Variants in AP5Z1 observed in about 807,000 individuals in gnomAD.
AP5Z1 encodes the protein AP-5 complex subunit zeta-1.
In AP5Z1, 106 loss-of-function variants were observed where a neutral mutation model predicts 83.0. The observed-to-expected ratio is 1.28, with a 90% CI of 1.09 to 1.50. The LOEUF (loss-of-function observed/expected upper bound fraction) is 1.50. Ranked by LOEUF, AP5Z1 falls within the 40% of genes most tolerant of loss-of-function variation. AP5Z1 has a pLI of 0.00. For synonymous variants in AP5Z1, 751 were observed against 514.1 expected (o/e 1.46, Z -6.23); for missense variants, 1,565 against 1,094.2 (o/e 1.43, Z -6.07).
chr7:4,776,615 A>G (rs1317129810), intron 1 of AP5Z1, among the ~76,000 whole-genome samples: 1 of 151,628 alleles, frequency 6.6e-6, no homozygotes, highest in Non-Finnish European at 1.5e-5. Context: ...GGTGACTGTA[A>G]TCCCAGCTAC....
In AP5Z1 at chr7:4,785,020, C is replaced by G. The variant is rs767005823; in HGVS notation, c.903C>G (p.Cys301Trp). The G allele has an allele frequency of 6.2e-7, 1 of 1,608,220 alleles. No homozygotes were observed. The highest frequency in any genetic ancestry group is 1.7e-5 in the Admixed American group (1 of 59,762). The change falls in exon 7 of 17, where the codon TGC becomes TGG. Residue 301 changes from cysteine to tryptophan, a missense_variant. Coordinates refer to ENST00000649063, the MANE Select transcript of AP5Z1 (RefSeq NM_014855.3). ...ERLREVAFEY[C>W]QRLIEQSNRR... The stretch of plus-strand genomic sequence containing the variant: ...TTCGGGAGGTGGCCTTCGAGTACTG[C>G]CAGCGCCTCATTGAGCAAAGTAACC...
At chr7:4,779,482 ATT>A (rs146506607) in intron 1 of AP5Z1, among the ~76,000 whole-genome samples, 14 of 146,084 alleles carry the variant, frequency 9.6e-5, no homozygotes, top group African/African-American at 2.0e-4. Context: ...ATATATATAT[ATT>A]TTTTTTTGAA....
At chr7:4,789,239 C>A (rs371497642) in intron 13 of AP5Z1, among the ~76,000 whole-genome samples, 1 of 151,608 alleles carries the variant, frequency 6.6e-6, no homozygotes, top group East Asian at 1.9e-4. Context: ...TTCATCCCGG[C>A]AGGTCCTGTC....
chr7:4,790,547 A>G lies in AP5Z1; in HGVS notation c.1894A>G (p.Ser632Gly). The change falls in exon 15 of 17, where the codon AGC becomes GGC. Residue 632 changes from serine to glycine, a missense_variant. By Grantham distance (56) the Ser-to-Gly change is moderately conservative. Transcript: ENST00000649063. Reference sequence around the variant, plus strand: ...AAGAGACCTGCTGGAGTTCCTGGGCAGCGTGAATGGTCTCTGCAGCAGGGC... The same window carrying G: ...AAGAGACCTGCTGGAGTTCCTGGGCGGCGTGAATGGTCTCTGCAGCAGGGC... ...LARDLLEFLG[S>G]VNGLCSRASL... 1 of 1,613,138 alleles carries G rather than the reference A, an allele frequency of 6.2e-7. No individual in the cohort carries two copies. The highest frequency in any genetic ancestry group is 8.5e-7 in the Non-Finnish European group (1 of 1,179,856).
At position 4,784,357 on chromosome 7, in the gene AP5Z1, G is replaced by T. The variant is rs889288295; in HGVS notation, c.776G>T (p.Gly259Val). 5 of 1,582,976 alleles carry T rather than the reference G, an allele frequency of 3.2e-6. No individual in the cohort carries two copies. Among genetic ancestry groups the T allele is most frequent in the Non-Finnish European group, 4.3e-6 (5 of 1,167,166 alleles). Residue 259 changes from glycine (G) to valine (V), a missense_variant, in exon 6 of 17, where the codon GGC becomes GTC. Gly to Val is a moderately radical substitution (Grantham distance 109, BLOSUM62 -3). Coordinates refer to ENST00000649063, the MANE Select transcript of AP5Z1 (RefSeq NM_014855.3). Reference protein sequence around the residue: ...WLLHSGPEGPGTLDTDDRSEQ... With the variant: ...WLLHSGPEGPVTLDTDDRSEQ... ...CTGCACAGCGGCCCCGAGGGCCCGGGCACCCTGGACACAGGTGTGCGGGGT... is the reference window on the plus strand; with the variant it reads ...CTGCACAGCGGCCCCGAGGGCCCGGTCACCCTGGACACAGGTGTGCGGGGT...
intron 12 of AP5Z1, chr7:4,788,561 G>A (rs953029487): frequency 7.8e-6 from 4 of 513,314 alleles, no homozygotes; most frequent in Admixed American, 3.6e-5. Context: ...TTTTGCAGAT[G>A]GACAAACCGA....
chr7:4,785,968 G>GAAAT (rs1369611423), intron 9 of AP5Z1, among the ~76,000 whole-genome samples: 4 of 152,114 alleles, frequency 2.6e-5, no homozygotes. Context: ...TTTAAATAGA[G>GAAAT]AAATAAACAG....
At position 4,788,259 on chromosome 7, in the gene AP5Z1, C is replaced by T. The variant is rs1209658197; in HGVS notation, c.1560C>T (p.Tyr520=). The stretch of plus-strand genomic sequence containing the variant: ...CGCAGTTCCAGGGTCTTTTCCAATA[C>T]CTGCTGCGCCCCAAGGCCAGTGGCG... ...RDPQFQGLFQ[Y]LLRPKASGAT... is the part of the protein sequence containing the mutation. The change falls in exon 12 of 17, where the codon TAC becomes TAT. Residue 520 remains tyrosine (Y), a synonymous_variant. Coordinates refer to ENST00000649063, the MANE Select transcript of AP5Z1 (RefSeq NM_014855.3). The T allele has an allele frequency of 1.9e-6, 3 of 1,589,856 alleles. No individual in the cohort carries two copies. The highest frequency in any genetic ancestry group is 1.1e-5 in the South Asian group (1 of 87,406).
chr7:4,788,728 T>G, intron 12 of AP5Z1, 112 bp from the exon 13 acceptor site: 1 of 930,842 alleles, frequency 1.1e-6, no homozygotes, highest in Non-Finnish European at 1.6e-6. Flanking sequence ...AGGCGATGAG[T>G]GAGGATGGGA....
chr7:4,791,424 C>T lies in AP5Z1; in HGVS notation c.*39C>T, dbSNP rs777362842. The T allele has an allele frequency of 6.4e-6, 10 of 1,560,014 alleles. No homozygotes were observed. The highest frequency in any genetic ancestry group is 5.9e-5 in the South Asian group (5 of 84,586). Reference sequence around the variant, plus strand: ...AGGGACTTCGGTGCAGATTAAGAGCCTGGGCAGCCAGCTTGCTACTGAGGC... The same window carrying T: ...AGGGACTTCGGTGCAGATTAAGAGCTTGGGCAGCCAGCTTGCTACTGAGGC... On this transcript the variant is annotated 3_prime_UTR_variant, in exon 17 of 17. Transcript: ENST00000649063.
rs746185900 is a variant in AP5Z1, at chr7:4,781,693, C to T, written c.305C>T (p.Ala102Val). The T allele has an allele frequency of 1.9e-6, 3 of 1,591,340 alleles. No individual in the cohort carries two copies. Among genetic ancestry groups the T allele is most frequent in the South Asian group, 2.2e-5 (2 of 90,544 alleles). The change falls in exon 3 of 17, where the codon GCC becomes GTC. Residue 102 changes from alanine (A) to valine (V), a missense_variant. Transcript: ENST00000649063. ...TCCCCCTCTGACAGCCTCAGCCTGGCCTGGGACCACACGCAGAACAGCCGG... is the reference window on the plus strand; with the variant it reads ...TCCCCCTCTGACAGCCTCAGCCTGGTCTGGGACCACACGCAGAACAGCCGG... Reference protein sequence around the residue: ...EMSPSDSLSLAWDHTQNSRQL... With the variant: ...EMSPSDSLSLVWDHTQNSRQL...
intron 9 of AP5Z1, 58 bp downstream of exon 9, chr7:4,785,742 G>T: frequency 7.3e-7 from 1 of 1,361,146 alleles, no homozygotes; most frequent in Non-Finnish European, 9.6e-7. Context: ...TTAGTTTTAG[G>T]ATGGAATTTC....
Position 4,793,969 on chromosome 7 carries a change from C to G in AP5Z1, c.*2584C>G, listed in dbSNP as rs1227462759. The G allele has an allele frequency of 6.6e-6, 1 of 152,474 alleles. No individual in the cohort carries two copies. The highest frequency in any genetic ancestry group is 1.5e-5 in the Non-Finnish European group (1 of 68,256). The allele number at this position is 152,474 out of a possible 1,614,324, so 9.4% of individuals were successfully genotyped here. On this transcript the variant is annotated 3_prime_UTR_variant, in exon 17 of 17. Coordinates refer to ENST00000649063, the MANE Select transcript of AP5Z1 (RefSeq NM_014855.3). ...GCTGGGCTCCTGAGTCTGGTGGGGA[C>G]TTGGAGAACCTTTATGTCTAGCTAA... is the stretch of plus-strand genomic sequence containing the variant.
Position 4,783,294 on chromosome 7 carries a change from G to T in AP5Z1, c.367-22G>T, listed in dbSNP as rs189145085. On this transcript the variant is annotated intron_variant, in intron 3 of 16. Coordinates refer to ENST00000649063, the MANE Select transcript of AP5Z1 (RefSeq NM_014855.3). ...CTCTGGCACAGGCCAGTACCCCAGC[G>T]TTTGCCCTGTTTGATTTGAAGGGTG... 59 of 1,584,830 alleles carry T rather than the reference G, an allele frequency of 3.7e-5. 1 individual carries two copies. In the Admixed American group the frequency reaches 1.0e-3, roughly 28 times the overall value.
intron 3 of AP5Z1, among the ~76,000 whole-genome samples, chr7:4,782,603 TTG>T (rs1333918964): frequency 1.3e-5 from 2 of 152,040 alleles, no homozygotes; most frequent in Middle Eastern, 3.2e-3. Flanking sequence ...ACTCAGGGCG[TTG>T]TACTTCATCA....
At chr7:4,785,817 G>A in intron 9 of AP5Z1, 133 bp downstream of exon 9, 1 of 1,267,642 alleles carries the variant, frequency 7.9e-7, no homozygotes, top group Non-Finnish European at 1.0e-6. Context: ...GTGTTGCCCA[G>A]GCTGGTCTGG....
intron 5 of AP5Z1, 96 bp from the exon 6 acceptor site, chr7:4,784,107 C>A: frequency 7.1e-7 from 1 of 1,404,612 alleles, no homozygotes; most frequent in Non-Finnish European, 9.5e-7. Flanking sequence ...CATGTTCAGG[C>A]AGCTTCTCCT....
chr7:4,781,140 T>A, intron 1 of AP5Z1, 35 bp from the exon 2 acceptor site: 2 of 1,597,700 alleles, frequency 1.3e-6, no homozygotes, highest in Admixed American at 1.7e-5. Flanking sequence ...GAGCAGCGAG[T>A]GCTTCTGGGT....
rs370499746 is a variant in AP5Z1, at chr7:4,783,443, C to T, written c.494C>T (p.Pro165Leu). ...ATGGCCAAGGTCGTGGTCCTCAGCC[C>T]GGGCACCCTCCAGGAGGGTACGCGG... is the stretch of plus-strand genomic sequence containing the variant. Reference protein sequence around the residue: ...PVMAKVVVLSPGTLQEDQATL... With the variant: ...PVMAKVVVLSLGTLQEDQATL... The change falls in exon 4 of 17, where the codon CCG becomes CTG. Residue 165 changes from proline to leucine, a missense_variant. Transcript: ENST00000649063. 9.3e-6 allele frequency: 15 copies of T among 1,612,506 alleles called. No individual in the cohort carries two copies. The highest frequency in any genetic ancestry group is 4.5e-5 in the East Asian group (2 of 44,846).
Sources: gnomAD v4.1 joint callset for allele counts (sites outside exome capture counted in the v4.1 genomes callset) on GRCh38, gnomAD v4.1.1 for gene constraint, MANE v1.5 for transcripts, NCBI Gene and HGNC (gene_info 2026-07-23, HGNC 2026-07-21) for gene names.